The following RALYL variants were observed in gnomAD, a reference collection of about 807,000 sequenced individuals.
RALYL encodes the protein RALY RNA binding protein like.
A neutral mutation model predicts 35.1 loss-of-function variants in RALYL; 29 were observed. That is an observed-to-expected ratio of 0.83 (90% CI 0.61 to 1.13). The LOEUF (loss-of-function observed/expected upper bound fraction) is 1.13. Among genes scored for constraint, RALYL ranks in the 50% most tolerant of loss-of-function variants. RALYL has a pLI of 0.00. For synonymous variants in RALYL, 120 were observed against 127.6 expected (o/e 0.94, Z 0.40); for missense variants, 359 against 360.4 (o/e 1.00, Z 0.03).
intron 1 of RALYL, among the ~76,000 whole-genome samples, chr8:84,242,119 T>G (rs1828060849): frequency 6.6e-6 from 1 of 152,202 alleles, no homozygotes; most frequent in Admixed American, 6.5e-5. Flanking sequence ...TTTCTGTTTT[T>G]GCATTAGTTT....
At chr8:84,746,650 G>A (rs1020888809) in intron 2 of RALYL, among the ~76,000 whole-genome samples, 3 of 151,838 alleles carry the variant, frequency 2.0e-5, no homozygotes, top group African/African-American at 7.2e-5. Flanking sequence ...TTCATAATAA[G>A]AAATTACATA....
At chr8:84,849,548 GT>G (rs978629887) in intron 4 of RALYL, among the ~76,000 whole-genome samples, 188 of 150,228 alleles carry the variant, frequency 1.3e-3, no homozygotes, top group African/African-American at 4.5e-3. Flanking sequence ...CTAATTAAAA[GT>G]TTTTTGTTTT....
At chr8:84,423,752 C>T (rs1452248634) in intron 1 of RALYL, among the ~76,000 whole-genome samples, 3 of 151,592 alleles carry the variant, frequency 2.0e-5, no homozygotes, top group Non-Finnish European at 4.4e-5. Flanking sequence ...CTGGTGGTGA[C>T]AAAATCGGTC....
chr8:84,403,400 A>G (rs1049460351), intron 1 of RALYL, among the ~76,000 whole-genome samples: 1 of 151,796 alleles, frequency 6.6e-6, no homozygotes, highest in African/African-American at 2.4e-5. Context: ...TTCCAACATA[A>G]TTTGTTAAAT....
intron 2 of RALYL, among the ~76,000 whole-genome samples, chr8:84,688,494 G>A (rs1434583593): frequency 6.6e-6 from 1 of 152,076 alleles, no homozygotes; most frequent in Non-Finnish European, 1.5e-5. Context: ...TTCGATAAGT[G>A]TTGCTGGGAA....
chr8:84,646,906 TG>T (rs2131450605), intron 2 of RALYL, among the ~76,000 whole-genome samples: 1 of 152,238 alleles, frequency 6.6e-6, no homozygotes, highest in South Asian at 2.1e-4. Context: ...CTCACTTTGA[TG>T]ATGATTTTGT....
intron 2 of RALYL, among the ~76,000 whole-genome samples, chr8:84,627,620 T>TTC (rs1431619649): frequency 6.6e-6 from 1 of 151,574 alleles, no homozygotes; most frequent in Non-Finnish European, 1.5e-5. Context: ...TCAGCTTCTT[T>TTC]TCCCCTGTCT....
chr8:84,570,523 G>C (rs954868819), intron 2 of RALYL, among the ~76,000 whole-genome samples: 6 of 151,720 alleles, frequency 4.0e-5, no homozygotes, highest in Non-Finnish European at 7.4e-5. Flanking sequence ...ATGTCATCAG[G>C]ACCAGAGATA....
At chr8:84,918,027 G>T (rs1240798048) in intron 8 of RALYL, among the ~76,000 whole-genome samples, 1 of 151,956 alleles carries the variant, frequency 6.6e-6, no homozygotes, top group Non-Finnish European at 1.5e-5. Context: ...AAGTATAATT[G>T]CTGTTCATAA....
intron 2 of RALYL, among the ~76,000 whole-genome samples, chr8:84,544,036 AAG>A (rs1468170978): frequency 6.6e-6 from 1 of 152,072 alleles, no homozygotes; most frequent in African/African-American, 2.4e-5. Flanking sequence ...GATATCTGAA[AAG>A]AGTTTAATAA....
At position 84,566,526 on chromosome 8, in the gene RALYL, G is replaced by T. The variant is rs546061337; in HGVS notation, c.256+36949G>T. ...TTATTATATAGTAGTAGACACTTTT[G>T]CTTTCTTTGAACATTTTATTCATTT... On this transcript the variant is annotated intron_variant, in intron 2 of 8. Coordinates refer to ENST00000521268, the MANE Select transcript of RALYL (RefSeq NM_173848.7). 4.0e-5 allele frequency among the ~76,000 whole-genome samples: 6 copies of T among 151,374 alleles called. No homozygotes were observed. In the East Asian group the frequency reaches 9.7e-4, roughly 24 times the overall value.
chr8:84,307,048 C>T (rs1841953802), intron 1 of RALYL, among the ~76,000 whole-genome samples: 1 of 152,076 alleles, frequency 6.6e-6, no homozygotes, highest in Non-Finnish European at 1.5e-5. Flanking sequence ...TTATATAACT[C>T]CTTTAGGATC....
intron 4 of RALYL, among the ~76,000 whole-genome samples, chr8:84,819,346 T>C (rs1240116491): frequency 6.6e-6 from 1 of 152,208 alleles, no homozygotes; most frequent in Non-Finnish European, 1.5e-5. Flanking sequence ...GTCAGTGAAA[T>C]GCTGTAAAAA....
intron 2 of RALYL, among the ~76,000 whole-genome samples, chr8:84,657,137 G>T (rs879904456): frequency 6.6e-6 from 1 of 152,268 alleles, no homozygotes; most frequent in Admixed American, 6.5e-5. Context: ...CTAGTGAATA[G>T]TAACAAATCC....
intron 2 of RALYL, among the ~76,000 whole-genome samples, chr8:84,740,371 CAA>C (rs1848059529): frequency 2.0e-5 from 3 of 151,950 alleles, no homozygotes; most frequent in South Asian, 4.2e-4. Context: ...AAAAGAGAAA[CAA>C]AGAGGGCGGA....
chr8:84,463,893 C>G (rs1056593540), intron 1 of RALYL, among the ~76,000 whole-genome samples: 3 of 151,860 alleles, frequency 2.0e-5, no homozygotes, highest in African/African-American at 7.2e-5. Flanking sequence ...TTCCACTTGT[C>G]TCTTTGTTTT....
chr8:84,707,433 T>TC (rs1841417396), intron 2 of RALYL, among the ~76,000 whole-genome samples: 1 of 152,156 alleles, frequency 6.6e-6, no homozygotes, highest in Non-Finnish European at 1.5e-5. Flanking sequence ...TCATTTTTTT[T>TC]CCTTGTGGAT....
intron 2 of RALYL, among the ~76,000 whole-genome samples, chr8:84,672,661 G>A (rs1416173019): frequency 1.3e-5 from 2 of 152,130 alleles, no homozygotes; most frequent in Admixed American, 6.6e-5. Context: ...AGGAGCAAGG[G>A]CACATCTTAC....
intron 1 of RALYL, among the ~76,000 whole-genome samples, chr8:84,266,233 G>C (rs1833268018): frequency 6.7e-6 from 1 of 150,274 alleles, no homozygotes; most frequent in South Asian, 2.1e-4. Flanking sequence ...TTTTTTGCCT[G>C]TCTCATTCCT....
Sources: allele counts gnomAD v4.1 joint callset (sites outside exome capture counted in the v4.1 genomes callset), GRCh38; gene constraint gnomAD v4.1.1; transcripts MANE v1.5; gene names NCBI Gene and HGNC (gene_info 2026-07-23, HGNC 2026-07-21).